The following RARB variants were observed in gnomAD, a reference collection of about 807,000 sequenced individuals.
RARB encodes the protein retinoic acid receptor beta.
In RARB, 17 loss-of-function variants were observed where a neutral mutation model predicts 51.9. That is an observed-to-expected ratio of 0.33 (90% CI 0.22 to 0.49). RARB has a LOEUF of 0.49. RARB is among the 20% of genes least tolerant of loss of function. RARB has a pLI of 0.99. For synonymous variants in RARB, 215 were observed against 195.4 expected (o/e 1.10, Z -0.84); for missense variants, 369 against 550.8 (o/e 0.67, Z 3.30).
In RARB at chr3:25,500,155, A is replaced by G. The variant is rs188512205; in HGVS notation, c.307-1027A>G. 2.6e-5 allele frequency among the ~76,000 whole-genome samples: 4 copies of G among 152,310 alleles called. No homozygotes were observed. In the East Asian group the frequency reaches 5.8e-4, roughly 22 times the overall value. ...AGCTATGGGCCAGATGTGGCTCTTC[A>G]GCATTTGAAATGTAGCTAATGTAAC... is the stretch of plus-strand genomic sequence containing the variant. On this transcript the variant is annotated intron_variant, in intron 2 of 7. Coordinates refer to ENST00000330688, the MANE Select transcript of RARB (RefSeq NM_000965.5).
At chr3:25,239,601 A>G (rs990205845) in intron 5 of RARB, among the ~76,000 whole-genome samples, 4 of 152,206 alleles carry the variant, frequency 2.6e-5, no homozygotes, top group Non-Finnish European at 4.4e-5. Context: ...GTCAAAAATC[A>G]GTTGGCTATA....
chr3:25,092,719 T>G (rs903997118), intron 3 of RARB, among the ~76,000 whole-genome samples: 7 of 152,062 alleles, frequency 4.6e-5, no homozygotes, highest in Non-Finnish European at 7.4e-5. Context: ...CTGAGAGAAG[T>G]GTGTTGTCTT....
At chr3:24,831,159 C>T (rs1702276269) in intron 1 of RARB, among the ~76,000 whole-genome samples, 1 of 152,118 alleles carries the variant, frequency 6.6e-6, no homozygotes, top group Non-Finnish European at 1.5e-5. Flanking sequence ...TTAAATGAAG[C>T]TTTGAGCCGG....
chr3:24,892,137 G>T (rs1313799300), intron 2 of RARB, among the ~76,000 whole-genome samples: 1 of 151,600 alleles, frequency 6.6e-6, no homozygotes, highest in Non-Finnish European at 1.5e-5. Flanking sequence ...CCAGATGAAG[G>T]AGGACATGTT....
chr3:25,340,055 A>T (rs370869319), intron 5 of RARB, among the ~76,000 whole-genome samples: 1 of 152,136 alleles, frequency 6.6e-6, no homozygotes, highest in Non-Finnish European at 1.5e-5. Context: ...CCTACTAGCT[A>T]TTGGTACAGA....
intron 5 of RARB, among the ~76,000 whole-genome samples, chr3:25,203,882 A>G (rs1022677446): frequency 2.0e-5 from 3 of 151,446 alleles, no homozygotes; most frequent in Non-Finnish European, 4.4e-5. Context: ...CTTCATTTCA[A>G]TTATGAATCT....
rs554002014 is a variant in RARB, at chr3:25,088,033, A to G, written c.-328+27857A>G. 1.7e-3 allele frequency among the ~76,000 whole-genome samples: 260 copies of G among 152,134 alleles called. 1 individual carries two copies. The highest frequency in any genetic ancestry group is 3.0e-3 in the Non-Finnish European group (205 of 67,984). ...AAATCATGGTTCACAAGAAGGTTGT[A>G]AAGGACAGCAGTTTTGCTAGCAAAG... is the stretch of plus-strand genomic sequence containing the variant. On this transcript the variant is annotated intron_variant, in intron 3 of 11. Transcript: ENST00000383772.
At chr3:25,583,142 G>A (rs1228492283) in intron 5 of RARB, among the ~76,000 whole-genome samples, 1 of 152,148 alleles carries the variant, frequency 6.6e-6, no homozygotes, top group Non-Finnish European at 1.5e-5. Context: ...ACCAGACAAA[G>A]TTCGAAGGAA....
At chr3:25,535,566 C>G (rs988816519) in intron 3 of RARB, among the ~76,000 whole-genome samples, 1 of 152,100 alleles carries the variant, frequency 6.6e-6, no homozygotes, top group Non-Finnish European at 1.5e-5. Context: ...CTCTAGCCCC[C>G]CAGCCCCCGA....
At chr3:25,484,599 A>G (rs1696376546) in intron 2 of RARB, among the ~76,000 whole-genome samples, 1 of 152,156 alleles carries the variant, frequency 6.6e-6, no homozygotes, top group African/African-American at 2.4e-5. Context: ...AATATAACAT[A>G]TGAAAATTAT....
intron 3 of RARB, among the ~76,000 whole-genome samples, chr3:25,066,790 C>T (rs980977897): frequency 2.6e-5 from 4 of 151,804 alleles, no homozygotes; most frequent in Non-Finnish European, 4.4e-5. Context: ...TTGTTAATTG[C>T]CATATTATAC....
chr3:24,951,376 C>G (rs976049651), intron 2 of RARB, among the ~76,000 whole-genome samples: 1 of 152,160 alleles, frequency 6.6e-6, no homozygotes, highest in African/African-American at 2.4e-5. Flanking sequence ...GGCCAGAGAA[C>G]AGGCCACGTG....
chr3:25,073,468 T>C (rs957507961), intron 3 of RARB, among the ~76,000 whole-genome samples: 1 of 152,224 alleles, frequency 6.6e-6, no homozygotes, highest in African/African-American at 2.4e-5. Flanking sequence ...TCCATGGTTG[T>C]AACAGTTTGA....
intron 3 of RARB, among the ~76,000 whole-genome samples, chr3:25,092,379 A>C (rs997691926): frequency 1.4e-5 from 2 of 148,082 alleles, no homozygotes; most frequent in African/African-American, 5.2e-5. Context: ...AAAACAAAAC[A>C]AAAAAACCTC....
rs147223347 is a variant in RARB, at chr3:25,472,680, A to C, written c.306+11339A>C. Among the ~76,000 whole-genome samples, 8 of 152,312 alleles carry C rather than the reference A, an allele frequency of 5.3e-5. No homozygotes were observed. The East Asian group carries it at 1.5e-3, about 29-fold the overall frequency. Reference sequence around the variant, plus strand: ...TTACTGTGAGAACCTCCTTAAATACATTTCTGTAAGGTTCCCTGAAATTTA... The same window carrying C: ...TTACTGTGAGAACCTCCTTAAATACCTTTCTGTAAGGTTCCCTGAAATTTA... On this transcript the variant is annotated intron_variant, in intron 2 of 7. Coordinates refer to ENST00000330688, the MANE Select transcript of RARB (RefSeq NM_000965.5).
intron 1 of RARB, among the ~76,000 whole-genome samples, chr3:24,835,223 A>T (rs1336640925): frequency 1.3e-5 from 2 of 152,216 alleles, no homozygotes; most frequent in African/African-American, 4.8e-5. Flanking sequence ...CTCTTGTCTC[A>T]GTTTCACCTA....
intron 2 of RARB, among the ~76,000 whole-genome samples, chr3:25,014,465 A>T (rs1278536579): frequency 6.6e-6 from 1 of 152,122 alleles, no homozygotes; most frequent in Non-Finnish European, 1.5e-5. Flanking sequence ...GGGAGGAGAG[A>T]TGGGTTTTCT....
chr3:25,009,899 C>T (rs1229035660), intron 2 of RARB, among the ~76,000 whole-genome samples: 2 of 152,136 alleles, frequency 1.3e-5, no homozygotes, highest in East Asian at 1.9e-4. Context: ...TAACTGAACC[C>T]GATTTGAACC....
intron 5 of RARB, among the ~76,000 whole-genome samples, chr3:25,184,877 G>A (rs1223495386): frequency 6.6e-6 from 1 of 151,304 alleles, no homozygotes; most frequent in Admixed American, 6.6e-5. Context: ...GGGCAGCAAA[G>A]CAAAACCCTG....
Sources: gnomAD v4.1 joint callset for allele counts (sites outside exome capture counted in the v4.1 genomes callset) on GRCh38, gnomAD v4.1.1 for gene constraint, MANE v1.5 for transcripts, NCBI Gene and HGNC (gene_info 2026-07-23, HGNC 2026-07-21) for gene names.